Variants in TMEM63A observed in about 807,000 individuals in gnomAD.
The protein encoded by TMEM63A is transmembrane protein 63A.
A neutral mutation model predicts 100.6 loss-of-function variants in TMEM63A; 76 were observed. That is an observed-to-expected ratio of 0.76 (90% CI 0.63 to 0.91). The LOEUF is 0.91. TMEM63A is among the 40% of genes least tolerant of loss of function. TMEM63A has a pLI of 0.00. For missense variants in TMEM63A, 876 were observed against 1,008.8 expected (o/e 0.87, Z 1.78); for synonymous variants, 401 against 401.1 (o/e 1.00, Z 0.00).
intron 4 of TMEM63A, 53 bp from the exon 5 acceptor site, chr1:225,872,106 A>AT: frequency 7.4e-7 from 1 of 1,343,876 alleles, no homozygotes; most frequent in Non-Finnish European, 1.0e-6. Context: ...AAAAAAAAAA[A>AT]GCCAAACAAG....
At position 225,853,794 on chromosome 1, in the gene TMEM63A, G is replaced by T; in HGVS notation, c.1635-3C>A. The stretch of plus-strand genomic sequence containing the variant: ...CCTGGTCAGGCAGGAAGACGCACCT[G>T]GGGAAACCAGGGCCCAGGTCTGTGA... On this transcript the variant is annotated splice_polypyrimidine_tract_variant and splice_region_variant and intron_variant, in intron 18 of 24. Coordinates refer to ENST00000366835, the MANE Select transcript of TMEM63A (RefSeq NM_014698.3). The surrounding 1 kb of genome is among the most constrained non-coding windows in gnomAD (Gnocchi z 4.0). 6.3e-7 allele frequency: 1 copy of T among 1,592,594 alleles called. No individual in the cohort carries two copies. Among genetic ancestry groups the T allele is most frequent in the Non-Finnish European group, 8.6e-7 (1 of 1,168,980 alleles).
At position 225,865,959 on chromosome 1, in the gene TMEM63A, C is replaced by A; in HGVS notation, c.684G>T (p.Arg228=). The A allele has an allele frequency of 6.2e-7, 1 of 1,613,946 alleles. No individual in the cohort carries two copies. The highest frequency in any genetic ancestry group is 8.5e-7 in the Non-Finnish European group (1 of 1,179,890). ...IKYKEENLVR[R]TLFITGLPRD... ...TGGGGAGTCCTGTGATGAACAGGGT[C>A]CGCCTCACCTGTCCGGGAAATACAG... The change falls in exon 10 of 25, where the codon CGG becomes CGT. Residue 228 remains arginine, a synonymous_variant. Coordinates refer to ENST00000366835, the MANE Select transcript of TMEM63A (RefSeq NM_014698.3). This position sits in a 1 kb window ranked among gnomAD's most constrained non-coding sequence, Gnocchi z 4.6.
chr1:225,877,464 G>C lies in TMEM63A; in HGVS notation c.117C>G (p.Ser39Arg). 6.2e-7 allele frequency: 1 copy of C among 1,614,204 alleles called. No individual in the cohort carries two copies. The highest frequency in any genetic ancestry group is 8.5e-7 in the Non-Finnish European group (1 of 1,180,044). Residue 39 changes from serine to arginine, a missense_variant, in exon 3 of 25, where the codon AGC (serine) becomes AGG (arginine). Physicochemically the swap from Ser to Arg is moderately radical, Grantham distance 110. This residue lies in a region of TMEM63A where 43 missense variants were observed against 48.9 expected (regional missense o/e 0.88). Transcript: ENST00000366835. ...CAAAGGTGACCCCCTGGAGCACGGT[G>C]CTGTTTTTGGCCGAGTTGTAGCAAT... is the stretch of plus-strand genomic sequence containing the variant. ...DSYCYNSAKN[S>R]TVLQGVTFGG...
intron 3 of TMEM63A, 97 bp from the exon 4 acceptor site, chr1:225,874,464 G>A: frequency 9.5e-7 from 1 of 1,047,430 alleles, no homozygotes; most frequent in South Asian, 1.5e-5. Context: ...CCCGCACTCA[G>A]CAGGGCTAGA....
Position 225,866,675 on chromosome 1 carries a change from G to A in TMEM63A, c.574C>T (p.Leu192Phe), listed in dbSNP as rs768501353. ...TIANLQTDNDLLWLHTIFAVI... is the reference protein window; with the variant it reads ...TIANLQTDNDFLWLHTIFAVI... ...GCAAAGATGGTGTGCAGCCAAAGGA[G>A]GTCATTGCTGAGAGGGAAACCACCT... Residue 192 changes from leucine (L) to phenylalanine (F), a missense_variant, in exon 9 of 25, where the codon CTC becomes TTC. Around this residue, in one of 5 missense-constraint regions of TMEM63A, gnomAD observed 487 missense variants for 581.9 expected, o/e 0.84. Transcript: ENST00000366835. 5.0e-6 allele frequency: 8 copies of A among 1,613,968 alleles called. No individual in the cohort carries two copies. In the African/African-American group the frequency reaches 9.3e-5, roughly 19 times the overall value.
intron 23 of TMEM63A, among the ~76,000 whole-genome samples, chr1:225,847,767 T>G (rs2102807748): frequency 6.6e-6 from 1 of 152,282 alleles, no homozygotes; most frequent in Non-Finnish European, 1.5e-5. Context: ...CGCTGGGTAA[T>G]GAGTCCTTCT....
At chr1:225,859,163 T>C (rs775945274) in intron 15 of TMEM63A, 33 bp downstream of exon 15, 1 of 1,613,848 alleles carries the variant, frequency 6.2e-7, no homozygotes, top group Non-Finnish European at 8.5e-7. Context: ...TCACCAGCTA[T>C]CCTGGGAGGG....
intron 15 of TMEM63A, among the ~76,000 whole-genome samples, chr1:225,857,376 C>CGGGGTGGGGGGGGGGGGGGGGGG (rs1213111924): frequency 9.2e-4 from 3 of 3,264 alleles, no homozygotes; most frequent in African/African-American, 1.9e-3. Context: ...GAGTCCTGGC[C>CGGGGTGGGGGGGGGGGGGGGGGG]GGCGGGGCGG....
downstream of TMEM63A, chr1:225,845,196 T>C (rs1482159229): frequency 1.9e-5 from 30 of 1,614,026 alleles, no homozygotes; most frequent in Non-Finnish European, 2.5e-5. Flanking sequence ...TTTGAGCTAT[T>C]GCACACGCCT....
rs1407606946 is a variant in TMEM63A at position 225,852,669 on chromosome 1, G to A, written c.1898C>T (p.Pro633Leu). 3 of 1,612,692 alleles carry A rather than the reference G, an allele frequency of 1.9e-6. No homozygotes were observed. Among genetic ancestry groups the A allele is most frequent in the South Asian group, 2.2e-5 (2 of 91,014 alleles). The change falls in exon 20 of 25, where the codon CCA (proline) becomes CTA (leucine). Residue 633 changes from proline (P) to leucine (L), a missense_variant. By Grantham distance (98) the Pro-to-Leu change is moderately conservative (BLOSUM62 -3). Around this residue, in one of 5 missense-constraint regions of TMEM63A, gnomAD observed 339 missense variants for 342.3 expected, o/e 0.99. Coordinates refer to ENST00000366835, the MANE Select transcript of TMEM63A (RefSeq NM_014698.3). Reference sequence around the variant, plus strand: ...CAGGCTCCAGGGCCACTCACCAAATGGCGCGATGATGGGACAAGTGATGCT... The same window carrying A: ...CAGGCTCCAGGGCCACTCACCAAATAGCGCGATGATGGGACAAGTGATGCT... The part of the protein sequence containing the change: ...AYSITCPIIA[P>L]FGLIYILLKH...
rs1670152276 is a variant in TMEM63A, at chr1:225,865,447, T to G, written c.746+450A>C. The G allele has an allele frequency of 6.3e-6, 1 of 159,408 alleles. No homozygotes were observed. Among genetic ancestry groups the G allele is most frequent in the African/African-American group, 2.4e-5 (1 of 41,720 alleles). The allele number at this position is 159,408 out of a possible 1,614,324, so 9.9% of individuals were successfully genotyped here. ...CAGTGCTCACTCAACAGACACCCGC[T>G]CAGTGGGTGGACAAACGAACAAACG... is the stretch of plus-strand genomic sequence containing the variant. On this transcript the variant is annotated intron_variant, in intron 10 of 24. Transcript: ENST00000366835. This position sits in a 1 kb window ranked among gnomAD's most constrained non-coding sequence, Gnocchi z 4.6.
chr1:225,881,808 C>A (rs1191964330), intron 1 of TMEM63A, among the ~76,000 whole-genome samples: 5 of 152,196 alleles, frequency 3.3e-5, no homozygotes, highest in African/African-American at 7.2e-5. Flanking sequence ...CCCTTCCCCC[C>A]AGTCCCCGAG....
In TMEM63A at chr1:225,853,646, G is replaced by C; in HGVS notation, c.1780C>G (p.Arg594Gly). 6.4e-7 allele frequency: 1 copy of C among 1,569,190 alleles called. No homozygotes were observed. The highest frequency in any genetic ancestry group is 1.3e-5 in the African/African-American group (1 of 74,282). Residue 594 changes from arginine (R) to glycine (G), a missense_variant, in exon 19 of 25, where the codon CGC becomes GGC. This residue lies in a region of TMEM63A where 339 missense variants were observed against 342.3 expected (regional missense o/e 0.99). Transcript: ENST00000366835. The surrounding 1 kb of genome is among the most constrained non-coding windows in gnomAD (Gnocchi z 4.0). ...GATGGCACCTGCTTGACATTCCTGCGGTCAGCAGCCGTCTTGGCCATGATC... is the reference window on the plus strand; with the variant it reads ...GATGGCACCTGCTTGACATTCCTGCCGTCAGCAGCCGTCTTGGCCATGATC... ...RMIMAKTAAD[R>G]RNVKQNQAFQ...
At chr1:225,868,160 A>C (rs1391113778) in intron 6 of TMEM63A, 130 bp from the exon 7 acceptor site, 12 of 1,169,454 alleles carry the variant, frequency 1.0e-5, no homozygotes, top group Non-Finnish European at 1.3e-5. Context: ...TTTTGTTCAC[A>C]TATGAGGAAA....
intron 6 of TMEM63A, among the ~76,000 whole-genome samples, chr1:225,869,812 G>A (rs1467628450): frequency 2.6e-5 from 4 of 151,184 alleles, no homozygotes; most frequent in African/African-American, 9.7e-5. Context: ...ACAGGCACCC[G>A]CCACCAAGCC....
chr1:225,866,685 G>A lies in TMEM63A; in HGVS notation c.567-3C>T. 1 of 1,613,838 alleles carries A rather than the reference G, an allele frequency of 6.2e-7. No individual in the cohort carries two copies. Among genetic ancestry groups the A allele is most frequent in the South Asian group, 1.1e-5 (1 of 91,026 alleles). On this transcript the variant is annotated splice_polypyrimidine_tract_variant and splice_region_variant and intron_variant, in intron 8 of 24. Coordinates refer to ENST00000366835, the MANE Select transcript of TMEM63A (RefSeq NM_014698.3). ...TGTGCAGCCAAAGGAGGTCATTGCT[G>A]AGAGGGAAACCACCTGCCATCAGGG...
chr1:225,848,802 T>G, intron 22 of TMEM63A, 95 bp downstream of exon 22: 2 of 1,055,592 alleles, frequency 1.9e-6, no homozygotes, highest in South Asian at 1.4e-5. Context: ...GCTGCTGTGT[T>G]GATACAGACA....
intron 4 of TMEM63A, among the ~76,000 whole-genome samples, chr1:225,872,788 G>A (rs908429003): frequency 5.4e-5 from 8 of 149,444 alleles, no homozygotes; most frequent in South Asian, 2.1e-4. Context: ...TCTGCCACCC[G>A]GGTTCAAGCA....
chr1:225,882,078 A>G (rs1671118560), intron 1 of TMEM63A, among the ~76,000 whole-genome samples: 1 of 152,246 alleles, frequency 6.6e-6, no homozygotes, highest in Non-Finnish European at 1.5e-5. Flanking sequence ...CGGAGAGGAA[A>G]GTCCTGAAAA....
Sources: allele counts gnomAD v4.1 joint callset (sites outside exome capture counted in the v4.1 genomes callset), GRCh38; gene constraint gnomAD v4.1.1; regional missense constraint gnomAD v4.1.1; non-coding constraint Gnocchi (gnomAD v3.1); transcripts MANE v1.5; gene names NCBI Gene and HGNC (gene_info 2026-07-23, HGNC 2026-07-21).